Variants in AFG2A observed in about 807,000 individuals in gnomAD.
The protein encoded by AFG2A is ATPase family gene 2 protein homolog A.
the AFG2A span, among the ~76,000 whole-genome samples, chr4:123,186,543 A>G: frequency 6.6e-6 from 1 of 152,166 alleles, no homozygotes; most frequent in East Asian, 1.9e-4. Context: ...CTCATTTGTA[A>G]GTTTTAGTTT....
chr4:122,942,827 A>G, the AFG2A span, among the ~76,000 whole-genome samples: 39 of 150,542 alleles, frequency 2.6e-4, 1 homozygote, highest in East Asian at 6.3e-3. Context: ...AGATTCTGGT[A>G]TGTTGTGTCT....
the AFG2A span, among the ~76,000 whole-genome samples, chr4:123,017,243 GGAGAGGGAGAGC>G: frequency 8.2e-3 from 1,147 of 139,670 alleles, 19 homozygotes; most frequent in African/African-American, 0.029. Context: ...AAAGGGAGAG[GGAGAGGGAGAGC>G]GAGAGCGAGA....
At chr4:122,992,467 G>C in the AFG2A span, among the ~76,000 whole-genome samples, 1 of 152,174 alleles carries the variant, frequency 6.6e-6, no homozygotes, top group African/African-American at 2.4e-5. Context: ...TCAGTTTCCT[G>C]ATTTCTGGCA....
At chr4:122,986,935 TTCC>T in the AFG2A span, among the ~76,000 whole-genome samples, 1 of 152,184 alleles carries the variant, frequency 6.6e-6, no homozygotes, top group Non-Finnish European at 1.5e-5. Context: ...TCTCTTACTG[TTCC>T]TGTATAGCTG....
chr4:122,978,516 T>C, the AFG2A span, among the ~76,000 whole-genome samples: 1 of 152,212 alleles, frequency 6.6e-6, no homozygotes, highest in Non-Finnish European at 1.5e-5. Flanking sequence ...TGGTCTCAGC[T>C]GCAGACTCTA....
At chr4:123,180,978 C>CTTTTT in the AFG2A span, among the ~76,000 whole-genome samples, 17 of 118,366 alleles carry the variant, frequency 1.4e-4, no homozygotes, top group Non-Finnish European at 2.4e-4. Flanking sequence ...TCCTCCCCCT[C>CTTTTT]TTTTTTTTTT....
At chr4:123,007,255 A>G in the AFG2A span, among the ~76,000 whole-genome samples, 1 of 151,916 alleles carries the variant, frequency 6.6e-6, no homozygotes, top group African/African-American at 2.4e-5. Context: ...GGCCCTTTTT[A>G]GTACTCTACC....
At chr4:123,050,125 C>T in the AFG2A span, among the ~76,000 whole-genome samples, 1 of 151,790 alleles carries the variant, frequency 6.6e-6, no homozygotes, top group Non-Finnish European at 1.5e-5. Flanking sequence ...GTTCTTGTTA[C>T]TGATTTCTAG....
chr4:122,998,914 T>C, the AFG2A span, among the ~76,000 whole-genome samples: 1 of 152,166 alleles, frequency 6.6e-6, no homozygotes, highest in African/African-American at 2.4e-5. Context: ...TTGAACTGGT[T>C]TATAGTCCCA....
chr4:122,979,109 C>T, the AFG2A span: 22 of 1,172,094 alleles, frequency 1.9e-5, no homozygotes, highest in Middle Eastern at 2.9e-4. Flanking sequence ...GCCCTGGCCA[C>T]GCCTCCCCCA....
At chr4:123,189,165 A>T in the AFG2A span, among the ~76,000 whole-genome samples, 1 of 152,218 alleles carries the variant, frequency 6.6e-6, no homozygotes. Context: ...GTGCAACAGG[A>T]AAGAACTGGC....
chr4:123,287,205 G>A, the AFG2A span, among the ~76,000 whole-genome samples: 5 of 152,202 alleles, frequency 3.3e-5, no homozygotes, highest in Non-Finnish European at 5.9e-5. Flanking sequence ...TCACAGCTGA[G>A]AGCTTTATTT....
chr4:123,143,610 A>AAGTGTT, the AFG2A span, among the ~76,000 whole-genome samples: 1 of 152,010 alleles, frequency 6.6e-6, no homozygotes, highest in African/African-American at 2.4e-5. Context: ...GGCATGACTT[A>AAGTGTT]AGTGTTACTA....
chr4:123,007,636 A>G, the AFG2A span, among the ~76,000 whole-genome samples: 1 of 24,938 alleles, frequency 4.0e-5, no homozygotes, highest in Admixed American at 4.3e-4. Context: ...ATATACACAC[A>G]CACACAACAC....
chr4:123,240,488 A>T, the AFG2A span, among the ~76,000 whole-genome samples: 1 of 152,288 alleles, frequency 6.6e-6, no homozygotes, highest in South Asian at 2.1e-4. Context: ...TCAAAACCGC[A>T]CAACTACATG....
the AFG2A span, among the ~76,000 whole-genome samples, chr4:123,018,634 A>C: frequency 6.6e-6 from 1 of 151,838 alleles, no homozygotes; most frequent in Non-Finnish European, 1.5e-5. Context: ...TCTGTGTAAT[A>C]ATAAGCTTTT....
chr4:123,058,830 A>G, the AFG2A span, among the ~76,000 whole-genome samples: 1 of 152,088 alleles, frequency 6.6e-6, no homozygotes, highest in Admixed American at 6.6e-5. Context: ...GCCCCTCCAA[A>G]TCTCATGTCT....
the AFG2A span, chr4:122,936,073 T>C: frequency 6.1e-4 from 950 of 1,564,116 alleles, 7 homozygotes; most frequent in African/African-American, 0.012. Context: ...TAAGAAATGG[T>C]CTTTAAATGT....
chr4:123,208,473 C>G, the AFG2A span, among the ~76,000 whole-genome samples: 4 of 152,122 alleles, frequency 2.6e-5, no homozygotes, highest in Non-Finnish European at 5.9e-5. Flanking sequence ...ACCACTATGT[C>G]AAAACTATTA....
Sources: gnomAD v4.1 joint callset for allele counts (sites outside exome capture counted in the v4.1 genomes callset) on GRCh38, gnomAD v4.1.1 for gene constraint, MANE v1.5 for transcripts, NCBI Gene and HGNC (gene_info 2026-07-23, HGNC 2026-07-21) for gene names.